The following ACOT6 variants were observed in gnomAD, a reference collection of about 807,000 sequenced individuals.
The protein encoded by ACOT6 is acyl-CoA thioesterase 6.
ACOT6 carries 14 observed loss-of-function variants against 12.3 expected under a neutral mutation model. The ratio of observed to expected loss-of-function variants is 1.14; its 90% confidence interval spans 0.75 to 1.78. The LOEUF is 1.78. Among genes scored for constraint, ACOT6 ranks in the 40% most tolerant of loss-of-function variants. The pLI is 0.00. For missense variants in ACOT6, 523 were observed against 551.8 expected, an observed-to-expected ratio of 0.95 and a Z score of 0.52; for synonymous variants, 218 against 231.3, an observed-to-expected ratio of 0.94 and a Z score of 0.52.
Position 73,619,178 on chromosome 14 carries a change from C to T in ACOT6, c.661-56C>T, listed in dbSNP as rs139773974. The T allele has an allele frequency of 4.5e-5, 68 of 1,509,688 alleles. No individual in the cohort carries two copies. The African/African-American group carries it at 9.1e-4, about 20-fold the overall frequency. 93.5% of individuals were successfully genotyped at this position (1,509,688 alleles called of 1,614,324 possible). ...TACTTGGAGAATGTAAAATCACTGT[C>T]TGTGTCCTCCATTTATGAATTCTAA... On this transcript the variant is annotated intron_variant, in intron 2 of 2. Transcript: ENST00000645972.
chr14:73,619,346 T>C lies in ACOT6; in HGVS notation c.773T>C (p.Val258Ala), dbSNP rs1471014087. 1.9e-6 allele frequency: 3 copies of C among 1,614,066 alleles called. No individual in the cohort carries two copies. The highest frequency in any genetic ancestry group is 1.7e-5 in the Admixed American group (1 of 59,992). ...GCCACTGTACTTATCAATGCCTGTGTAGCCAACACAGTAGCTCCTCTACAT... is the reference window on the plus strand; with the variant it reads ...GCCACTGTACTTATCAATGCCTGTGCAGCCAACACAGTAGCTCCTCTACAT... The part of the protein sequence containing the change: ...ITATVLINAC[V>A]ANTVAPLHYK... The change falls in exon 3 of 3, where the codon GTA (valine) becomes GCA (alanine). Residue 258 changes from valine (V) to alanine (A), a missense_variant. Physicochemically the swap from Val to Ala is moderately conservative, Grantham distance 64. Transcript: ENST00000645972.
At chr14:73,611,653 G>C (rs910655655), upstream of ACOT6, 1 of 152,168 alleles carries the variant, frequency 6.6e-6, no homozygotes, top group African/African-American at 2.4e-5. Flanking sequence ...TGTCAGTGTA[G>C]TGTTTTTACA....
At chr14:73,612,489 C>T, upstream of ACOT6, 1 of 963,696 alleles carries the variant, frequency 1.0e-6, no homozygotes, top group Non-Finnish European at 1.4e-6. Flanking sequence ...CCGCCCTCGA[C>T]TACTTTCCAG....
intron 2 of ACOT6, among the ~76,000 whole-genome samples, chr14:73,618,562 A>G (rs960611652): frequency 1.4e-5 from 2 of 146,396 alleles, no homozygotes; most frequent in African/African-American, 2.8e-5. Context: ...GTGGATTCCA[A>G]GATTTTAAAT....
At chr14:73,617,710 A>AT (rs147899821) in intron 2 of ACOT6, among the ~76,000 whole-genome samples, 1 of 152,130 alleles carries the variant, frequency 6.6e-6, no homozygotes, top group Non-Finnish European at 1.5e-5. Context: ...ATAAAGAGAT[A>AT]TTTTTTGAGA....
intron 1 of ACOT6, among the ~76,000 whole-genome samples, chr14:73,613,894 A>G (rs1262817255): frequency 6.6e-6 from 1 of 152,108 alleles, no homozygotes; most frequent in African/African-American, 2.4e-5. Context: ...AACCTCTACC[A>G]TATAAAAATG....
intron 2 of ACOT6, among the ~76,000 whole-genome samples, chr14:73,618,148 A>G (rs1355890313): frequency 6.6e-6 from 1 of 152,170 alleles, no homozygotes; most frequent in African/African-American, 2.4e-5. Flanking sequence ...CATCTCAAAA[A>G]AAAACCCAAC....
chr14:73,612,803 A>T lies in ACOT6; in HGVS notation c.232A>T (p.Met78Leu). Residue 78 changes from methionine (M) to leucine (L), a missense_variant, in exon 1 of 3, where the codon ATG (methionine) becomes TTG (leucine). Physicochemically the swap from Met to Leu is conservative, Grantham distance 15. Around this residue, in one of 2 missense-constraint regions of ACOT6, gnomAD observed 304 missense variants for 274.8 expected, o/e 1.11. Transcript: ENST00000645972. ...LGGSFAGLQP[M>L]GLLWALEPEK... ...AGGCAGCTTCGCGGGGCTCCAGCCC[A>T]TGGGGCTGCTGTGGGCGTTGGAGCC... The T allele has an allele frequency of 2.1e-6, 3 of 1,402,358 alleles. No individual in the cohort carries two copies. Among genetic ancestry groups the T allele is most frequent in the Non-Finnish European group, 2.8e-6 (3 of 1,073,702 alleles). The allele number at this position is 1,402,358 out of a possible 1,614,324, so 86.9% of individuals were successfully genotyped here. A position where few individuals can be genotyped will look rare whatever the true frequency, so the allele number is the denominator to read the frequency against.
At chr14:73,614,446 T>C (rs1272555624) in intron 1 of ACOT6, among the ~76,000 whole-genome samples, 1 of 151,746 alleles carries the variant, frequency 6.6e-6, no homozygotes, top group Non-Finnish European at 1.5e-5. Flanking sequence ...GCTCAATAAA[T>C]CATACTGACT....
chr14:73,615,409 AAAAAAC>A (rs1426714693), intron 1 of ACOT6, among the ~76,000 whole-genome samples: 27,488 of 105,372 alleles, frequency 0.26, 5,449 homozygotes, highest in East Asian at 0.54. Context: ...AAAAAAAAAC[AAAAAAC>A]AAAAAAAACC....
At chr14:73,617,241 T>G in intron 2 of ACOT6, 49 bp downstream of exon 2, 2 of 1,612,918 alleles carry the variant, frequency 1.2e-6, no homozygotes, top group Non-Finnish European at 1.7e-6. Context: ...ATAGAGCTGA[T>G]GCAGGGCTGA....
At chr14:73,617,710 AT>A (rs147899821) in intron 2 of ACOT6, among the ~76,000 whole-genome samples, 1,624 of 152,234 alleles carry the variant, frequency 0.011, 37 homozygotes, top group African/African-American at 0.037. Context: ...ATAAAGAGAT[AT>A]TTTTTGAGAC....
intron 2 of ACOT6, among the ~76,000 whole-genome samples, chr14:73,618,858 C>T (rs1294781449): frequency 1.3e-5 from 2 of 152,034 alleles, no homozygotes; most frequent in African/African-American, 4.8e-5. Context: ...TGGCGGGGCA[C>T]GGTGGCTCAT....
In ACOT6 at chr14:73,613,038, C is replaced by G; in HGVS notation, c.461+6C>G. ...CTCTTCCTGCCGCCGGATGAGTAGTCTGCCCAGAATTTGGTCGAGCTCTGC... is the reference window on the plus strand; with the variant it reads ...CTCTTCCTGCCGCCGGATGAGTAGTGTGCCCAGAATTTGGTCGAGCTCTGC... On this transcript the variant is annotated splice_donor_region_variant and intron_variant, in intron 1 of 2. Transcript: ENST00000645972. 1.3e-6 allele frequency: 1 copy of G among 785,142 alleles called. No homozygotes were observed. The highest frequency in any genetic ancestry group is 4.1e-5 in the Admixed American group (1 of 24,136). 48.6% of individuals were successfully genotyped at this position (785,142 alleles called of 1,614,324 possible). A position where few individuals can be genotyped will look rare whatever the true frequency, so the allele number is the denominator to read the frequency against.
Position 73,614,877 on chromosome 14 carries a change from A to C in ACOT6, c.461+1845A>C, listed in dbSNP as rs534396551. Among the ~76,000 whole-genome samples the C allele has an allele frequency of 5.6e-3, 844 of 151,746 alleles. 4 individuals are homozygous for C. Among genetic ancestry groups the C allele is most frequent in the Non-Finnish European group, 9.0e-3 (608 of 67,900 alleles). On this transcript the variant is annotated intron_variant, in intron 1 of 2. Transcript: ENST00000645972. ...TTTGGGAGGCCGAGGCAGGTGGATC[A>C]CCTGAGGTCAGGAGTTCGAGACCAG...
Position 73,612,807 on chromosome 14 carries a change from G to C in ACOT6, c.236G>C (p.Gly79Ala). 1 of 1,417,212 alleles carries C rather than the reference G, an allele frequency of 7.1e-7. No homozygotes were observed. The highest frequency in any genetic ancestry group is 1.4e-5 in the South Asian group (1 of 70,944). The allele number at this position is 1,417,212 out of a possible 1,614,324, so 87.8% of individuals were successfully genotyped here. The change falls in exon 1 of 3, where the codon GGG (glycine) becomes GCG (alanine). Residue 79 changes from glycine to alanine, a missense_variant. Coordinates refer to ENST00000645972, the MANE Select transcript of ACOT6 (RefSeq NM_001365788.1). Reference protein sequence around the residue: ...GGSFAGLQPMGLLWALEPEKA... With the variant: ...GGSFAGLQPMALLWALEPEKA... Reference sequence around the variant, plus strand: ...AGCTTCGCGGGGCTCCAGCCCATGGGGCTGCTGTGGGCGTTGGAGCCCGAG... The same window carrying C: ...AGCTTCGCGGGGCTCCAGCCCATGGCGCTGCTGTGGGCGTTGGAGCCCGAG...
chr14:73,617,221 AAG>A, intron 2 of ACOT6, 29 bp downstream of exon 2: 1 of 1,614,090 alleles, frequency 6.2e-7, no homozygotes, highest in African/African-American at 1.3e-5. Flanking sequence ...CTGAGTGCAG[AAG>A]AGAGGGGATA....
intron 1 of ACOT6, among the ~76,000 whole-genome samples, chr14:73,614,026 CAAAAAAAAAAAAA>C (rs59411143): frequency 2.7e-4 from 25 of 92,964 alleles, no homozygotes; most frequent in Middle Eastern, 9.6e-3. Flanking sequence ...TCTGTCTCTA[CAAAAAAAAAAAAA>C]AAAAAAAAAA....
Position 73,619,423 on chromosome 14 carries a change from A to G in ACOT6, c.850A>G (p.Ile284Val), listed in dbSNP as rs78743602. ...TGTCGATGATCTAGGAAAAGTAAAA[A>G]TCACTAAGTCAGGATTTCTCACTTT... ...KLVDDLGKVKITKSGFLTFMD... is the reference protein window; with the variant it reads ...KLVDDLGKVKVTKSGFLTFMD... Residue 284 changes from isoleucine (I) to valine (V), a missense_variant, in exon 3 of 3, where the codon ATC becomes GTC. Physicochemically the swap from Ile to Val is conservative, Grantham distance 29. Coordinates refer to ENST00000645972, the MANE Select transcript of ACOT6 (RefSeq NM_001365788.1). 4,621 of 1,614,180 alleles carry G rather than the reference A, an allele frequency of 2.9e-3. 140 individuals are homozygous for G. In the African/African-American group the frequency reaches 0.054, roughly 19 times the overall value.
Sources: gnomAD v4.1 joint callset for allele counts (sites outside exome capture counted in the v4.1 genomes callset) on GRCh38, gnomAD v4.1.1 for gene constraint, gnomAD v4.1.1 regional missense constraint, MANE v1.5 for transcripts, NCBI Gene and HGNC (gene_info 2026-07-23, HGNC 2026-07-21) for gene names.